Variants in ADARB2 observed in about 807,000 individuals in gnomAD.
The protein encoded by ADARB2 is adenosine deaminase RNA specific B2 (inactive).
A neutral mutation model predicts 62.2 loss-of-function variants in ADARB2; 25 were observed. That is an observed-to-expected ratio of 0.40 (90% CI 0.29 to 0.56). The LOEUF (loss-of-function observed/expected upper bound fraction) is 0.56. Among genes scored for constraint, ADARB2 ranks in the 20% least tolerant of loss-of-function variants. The pLI, the probability that ADARB2 is intolerant of heterozygous loss-of-function variation, is 0.43. For synonymous variants in ADARB2, 572 were observed against 500.8 expected, an observed-to-expected ratio of 1.14 and a Z score of -1.90; for missense variants, 1,071 against 1,077.4, an observed-to-expected ratio of 0.99 and a Z score of 0.08.
At chr10:1,353,443 C>T (rs539028952) in intron 3 of ADARB2, among the ~76,000 whole-genome samples, 12 of 152,186 alleles carry the variant, frequency 7.9e-5, no homozygotes, top group Non-Finnish European at 1.3e-4. Flanking sequence ...CCCTACACTT[C>T]TGAACTTCCT....
At chr10:1,625,208 G>A (rs1052946375) in intron 1 of ADARB2, among the ~76,000 whole-genome samples, 2 of 152,206 alleles carry the variant, frequency 1.3e-5, no homozygotes, top group African/African-American at 2.4e-5. Flanking sequence ...CGTGGTGTGC[G>A]GGAGCAGAGG....
At chr10:1,561,322 A>T (rs979346504) in intron 1 of ADARB2, among the ~76,000 whole-genome samples, 2 of 152,172 alleles carry the variant, frequency 1.3e-5, no homozygotes, top group African/African-American at 4.8e-5. Context: ...TTGTGCTTCA[A>T]ATGCAAGGTA....
chr10:1,690,448 G>A (rs11250733), intron 1 of ADARB2, among the ~76,000 whole-genome samples: 1 of 152,170 alleles, frequency 6.6e-6, no homozygotes, highest in African/African-American at 2.4e-5. Flanking sequence ...GGTGGTGAGT[G>A]TGGGGTCCCA....
At chr10:1,299,782 G>C (rs1831556782) in intron 3 of ADARB2, among the ~76,000 whole-genome samples, 1 of 152,230 alleles carries the variant, frequency 6.6e-6, no homozygotes, top group South Asian at 2.1e-4. Context: ...AGCAGCCTTT[G>C]GTTTGGGCTC....
At chr10:1,420,609 AG>A (rs149910486) in intron 1 of ADARB2, among the ~76,000 whole-genome samples, 18,008 of 61,120 alleles carry the variant, frequency 0.29, 1,790 homozygotes, top group East Asian at 0.4. Flanking sequence ...TTCCAGAAAG[AG>A]GGAAAAAAAA....
chr10:1,467,011 A>T (rs998313187), intron 1 of ADARB2, among the ~76,000 whole-genome samples: 1 of 151,146 alleles, frequency 6.6e-6, no homozygotes, highest in Non-Finnish European at 1.5e-5. Flanking sequence ...TCAGCAGGGG[A>T]CTCCGTATTC....
chr10:1,345,118 G>A (rs1019292220), intron 3 of ADARB2, among the ~76,000 whole-genome samples: 4 of 152,120 alleles, frequency 2.6e-5, no homozygotes, highest in Middle Eastern at 3.4e-3. Flanking sequence ...GAGGGCACGT[G>A]GAGGAAACCG....
intron 3 of ADARB2, among the ~76,000 whole-genome samples, chr10:1,301,848 C>A (rs1589185062): frequency 6.6e-6 from 1 of 152,190 alleles, no homozygotes; most frequent in South Asian, 2.1e-4. Context: ...GTTCCCTGTA[C>A]CTGCTGCCTC....
intron 1 of ADARB2, among the ~76,000 whole-genome samples, chr10:1,489,776 T>C (rs552982651): frequency 8.5e-5 from 13 of 152,226 alleles, no homozygotes; most frequent in South Asian, 4.2e-4. Flanking sequence ...CCAACACAAT[T>C]GTATACAAGA....
At chr10:1,666,469 C>A (rs1022045940) in intron 1 of ADARB2, among the ~76,000 whole-genome samples, 1 of 152,236 alleles carries the variant, frequency 6.6e-6, no homozygotes, top group African/African-American at 2.4e-5. Flanking sequence ...TGTGTTCCCC[C>A]AATCGTGTTC....
intron 1 of ADARB2, among the ~76,000 whole-genome samples, chr10:1,462,498 G>T (rs576323790): frequency 6.6e-6 from 1 of 152,350 alleles, no homozygotes; most frequent in East Asian, 1.9e-4. Context: ...CCCAGTTAGG[G>T]CGTGTGCATG....
chr10:1,408,991 T>C (rs1286278614), intron 1 of ADARB2, among the ~76,000 whole-genome samples: 5 of 152,212 alleles, frequency 3.3e-5, no homozygotes, highest in Admixed American at 2.0e-4. Flanking sequence ...GCGTCAGTGA[T>C]TGCAGAGGAG....
At chr10:1,407,863 C>A (rs548019074) in intron 1 of ADARB2, among the ~76,000 whole-genome samples, 1 of 152,334 alleles carries the variant, frequency 6.6e-6, no homozygotes, top group South Asian at 2.1e-4. Context: ...GGGAACTGGG[C>A]AGACAGACCC....
In ADARB2 at chr10:1,185,094, TC is replaced by T. The variant is rs3215185; in HGVS notation, c.1865-56del. On this transcript the variant is annotated intron_variant, in intron 8 of 9. Transcript: ENST00000381312. ...TAATATTCCTGGCCTCACACGGGGC[TC>T]CCCCAAGGGCAGCTGCGGGGAAATG... is the stretch of plus-strand genomic sequence containing the variant. The T allele has an allele frequency of 1.5e-3, 2,296 of 1,566,232 alleles. 50 individuals are homozygous for T. In the East Asian group the frequency reaches 0.043, roughly 29 times the overall value.
At chr10:1,473,282 C>T (rs1831350801) in intron 1 of ADARB2, among the ~76,000 whole-genome samples, 1 of 152,220 alleles carries the variant, frequency 6.6e-6, no homozygotes, top group Non-Finnish European at 1.5e-5. Flanking sequence ...CGAATTCTTT[C>T]TTCTGAGGAG....
chr10:1,469,730 A>G (rs181658400), intron 1 of ADARB2, among the ~76,000 whole-genome samples: 1 of 152,348 alleles, frequency 6.6e-6, no homozygotes, highest in Non-Finnish European at 1.5e-5. Context: ...GAGCTGTGAT[A>G]CTAGAAAAAG....
At chr10:1,252,316 C>T (rs959650410) in intron 4 of ADARB2, among the ~76,000 whole-genome samples, 2 of 152,136 alleles carry the variant, frequency 1.3e-5, no homozygotes, top group Non-Finnish European at 2.9e-5. Flanking sequence ...TGTAGACTGC[C>T]CCAAGGGTGT....
chr10:1,385,430 G>T (rs1832517566), intron 1 of ADARB2, among the ~76,000 whole-genome samples: 1 of 150,718 alleles, frequency 6.6e-6, no homozygotes, highest in African/African-American at 2.4e-5. Context: ...GGGAATCTTG[G>T]TAGAGAAATG....
Position 1,493,120 on chromosome 10 carries a change from C to T in ADARB2, c.101-113960G>A, listed in dbSNP as rs148676264. Among the ~76,000 whole-genome samples the T allele has an allele frequency of 4.5e-3, 682 of 152,292 alleles. 3 individuals carry two copies. The highest frequency in any genetic ancestry group is 0.011 in the African/African-American group (475 of 41,564). The stretch of plus-strand genomic sequence containing the variant: ...GAACTTTTAAAGCATGCAACAGCCA[C>T]CACCTAATGTACACTTCGATTAAGT... On this transcript the variant is annotated intron_variant, in intron 1 of 9. Transcript: ENST00000381312.
Sources: allele counts gnomAD v4.1 joint callset (sites outside exome capture counted in the v4.1 genomes callset), GRCh38; gene constraint gnomAD v4.1.1; transcripts MANE v1.5; gene names NCBI Gene and HGNC (gene_info 2026-07-23, HGNC 2026-07-21).